SLC2A13: variants seen among roughly 807,000 people sequenced by gnomAD.
SLC2A13 encodes the protein proton myo-inositol cotransporter.
Under a neutral mutation model 64.4 loss-of-function variants are expected in SLC2A13, and 32 were observed. That is an observed-to-expected ratio of 0.50 (90% CI 0.37 to 0.67). The LOEUF (loss-of-function observed/expected upper bound fraction) is 0.67, where lower values mean the gene tolerates loss of function less well. SLC2A13 is among the 30% of genes least tolerant of loss of function. SLC2A13 has a pLI of 0.00. For missense variants in SLC2A13, 743 were observed against 829.2 expected (o/e 0.90, Z 1.28); for synonymous variants, 338 against 327.1 (o/e 1.03, Z -0.36).
At chr12:39,935,569 T>C (rs565404207) in intron 4 of SLC2A13, among the ~76,000 whole-genome samples, 2 of 152,326 alleles carry the variant, frequency 1.3e-5, no homozygotes, top group South Asian at 4.1e-4. Flanking sequence ...CAAGGGGGCA[T>C]TTTTAGTATG....
intron 1 of SLC2A13, among the ~76,000 whole-genome samples, chr12:40,054,735 G>A (rs771975746): frequency 7.9e-5 from 12 of 152,136 alleles, no homozygotes; most frequent in Non-Finnish European, 1.2e-4. Context: ...TTTCAAAAAC[G>A]GCTGGAAGCC....
At chr12:40,045,119 G>A (rs1214520220) in intron 2 of SLC2A13, among the ~76,000 whole-genome samples, 1 of 152,046 alleles carries the variant, frequency 6.6e-6, no homozygotes, top group African/African-American at 2.4e-5. Flanking sequence ...TCACTATAAT[G>A]CAAGACCAGT....
At chr12:40,072,648 T>A (rs1216275910) in intron 1 of SLC2A13, among the ~76,000 whole-genome samples, 2 of 152,170 alleles carry the variant, frequency 1.3e-5, no homozygotes, top group African/African-American at 4.8e-5. Flanking sequence ...CCTGATAACT[T>A]TACTTGCTCT....
intron 3 of SLC2A13, among the ~76,000 whole-genome samples, chr12:40,027,277 G>A (rs926648831): frequency 5.3e-5 from 8 of 152,152 alleles, no homozygotes; most frequent in African/African-American, 9.7e-5. Flanking sequence ...CTCTAGAAAT[G>A]CTGACATTGC....
chr12:39,765,967 A>G (rs1940335434), intron 7 of SLC2A13, among the ~76,000 whole-genome samples: 1 of 152,046 alleles, frequency 6.6e-6, no homozygotes, highest in Non-Finnish European at 1.5e-5. Context: ...TATATGTGAA[A>G]ACACGCAGTG....
chr12:39,847,710 G>C (rs1943357019), intron 6 of SLC2A13, among the ~76,000 whole-genome samples: 1 of 151,938 alleles, frequency 6.6e-6, no homozygotes, highest in South Asian at 2.1e-4. Flanking sequence ...CAGAGAGAGA[G>C]AAAGACTTCT....
chr12:39,966,985 A>G (rs1444095001), intron 3 of SLC2A13, among the ~76,000 whole-genome samples: 1 of 152,158 alleles, frequency 6.6e-6, no homozygotes, highest in Admixed American at 6.5e-5. Context: ...TTGAAAATCT[A>G]CATATGGCTG....
At chr12:39,989,063 T>C (rs1947086360) in intron 3 of SLC2A13, among the ~76,000 whole-genome samples, 2 of 152,158 alleles carry the variant, frequency 1.3e-5, no homozygotes. Flanking sequence ...TAAACCTAAG[T>C]CTGCTGTGTC....
At chr12:39,815,616 G>A (rs1038832619) in intron 7 of SLC2A13, among the ~76,000 whole-genome samples, 1 of 152,144 alleles carries the variant, frequency 6.6e-6, no homozygotes, top group Admixed American at 6.5e-5. Flanking sequence ...AGAGGCGAAC[G>A]GGGATAAAAA....
chr12:40,037,989 C>T (rs1289864128), intron 2 of SLC2A13, among the ~76,000 whole-genome samples: 1 of 152,182 alleles, frequency 6.6e-6, no homozygotes, highest in Non-Finnish European at 1.5e-5. Flanking sequence ...AAAGAACCAA[C>T]TGTTAACATT....
chr12:39,787,594 A>T (rs1295738805), intron 7 of SLC2A13, among the ~76,000 whole-genome samples: 1 of 152,122 alleles, frequency 6.6e-6, no homozygotes, highest in African/African-American at 2.4e-5. Flanking sequence ...TTCAGTCCCT[A>T]TTGAAACAAG....
chr12:40,045,414 G>GT lies in SLC2A13; in HGVS notation c.716+2636dup, dbSNP rs746229514. Reference sequence around the variant, plus strand: ...TATCTATTGTTATAATTATGAATAAGTTATCAATTGTTGACAATTACAGAG... The same window carrying GT: ...TATCTATTGTTATAATTATGAATAAGTTTATCAATTGTTGACAATTACAGAG... On this transcript the variant is annotated intron_variant, in intron 2 of 9. Coordinates refer to ENST00000280871, the MANE Select transcript of SLC2A13 (RefSeq NM_052885.4). Among the ~76,000 whole-genome samples the GT allele has an allele frequency of 2.6e-5, 4 of 151,538 alleles. No individual in the cohort carries two copies. The East Asian group carries it at 5.8e-4, about 22-fold the overall frequency.
chr12:39,787,474 G>A (rs1487996977), intron 7 of SLC2A13, among the ~76,000 whole-genome samples: 1 of 152,084 alleles, frequency 6.6e-6, no homozygotes, highest in Non-Finnish European at 1.5e-5. Flanking sequence ...CCTTTATCGG[G>A]ATTTCTAGGA....
chr12:39,883,776 T>G (rs925529508), intron 4 of SLC2A13, among the ~76,000 whole-genome samples: 14 of 152,228 alleles, frequency 9.2e-5, no homozygotes, highest in Non-Finnish European at 1.6e-4. Context: ...ATATATGTAG[T>G]TTTATGCACA....
chr12:39,897,958 T>G (rs1442996436), intron 4 of SLC2A13, among the ~76,000 whole-genome samples: 1 of 152,054 alleles, frequency 6.6e-6, no homozygotes, highest in East Asian at 1.9e-4. Context: ...TACATGTAAG[T>G]TTATTATATG....
intron 3 of SLC2A13, among the ~76,000 whole-genome samples, chr12:40,003,525 T>C (rs1005530377): frequency 3.9e-5 from 6 of 152,126 alleles, no homozygotes; most frequent in African/African-American, 1.4e-4. Context: ...GGATATGCTA[T>C]ATCGTGGGGT....
chr12:39,898,507 CCT>C (rs1204940463), intron 4 of SLC2A13, among the ~76,000 whole-genome samples: 1 of 152,082 alleles, frequency 6.6e-6, no homozygotes. Flanking sequence ...GCTTTTCCCC[CCT>C]CTATCATTGA....
At chr12:39,924,769 A>G (rs1233042766) in intron 4 of SLC2A13, among the ~76,000 whole-genome samples, 1 of 152,054 alleles carries the variant, frequency 6.6e-6, no homozygotes, top group African/African-American at 2.4e-5. Context: ...AAGTTTGGCA[A>G]TGTAAAATGC....
intron 1 of SLC2A13, among the ~76,000 whole-genome samples, chr12:40,071,801 C>T (rs899144981): frequency 7.2e-5 from 11 of 152,008 alleles, no homozygotes; most frequent in Non-Finnish European, 7.4e-5. Context: ...ATCTGATATT[C>T]GCAATTTATG....
Sources: allele counts gnomAD v4.1 joint callset (sites outside exome capture counted in the v4.1 genomes callset), GRCh38; gene constraint gnomAD v4.1.1; transcripts MANE v1.5; gene names NCBI Gene and HGNC (gene_info 2026-07-23, HGNC 2026-07-21).